ARID3A: variants seen among roughly 807,000 people sequenced by gnomAD.
The protein encoded by ARID3A is AT-rich interactive domain-containing protein 3A.
Under a neutral mutation model 52.7 loss-of-function variants are expected in ARID3A, and 11 were observed. That is an observed-to-expected ratio of 0.21 (90% CI 0.13 to 0.35). The LOEUF is 0.35. Ranked by LOEUF, ARID3A falls within the 10% of genes least tolerant of loss-of-function variation. The pLI is 1.00. For synonymous variants in ARID3A, 404 were observed against 359.4 expected, an observed-to-expected ratio of 1.12 and a Z score of -1.40; for missense variants, 721 against 838.5, an observed-to-expected ratio of 0.86 and a Z score of 1.73.
In ARID3A at chr19:935,851, C is replaced by T. The variant is rs147393037; in HGVS notation, c.693+3109C>T. On this transcript the variant is annotated intron_variant, in intron 3 of 8. Coordinates refer to ENST00000263620, the MANE Select transcript of ARID3A (RefSeq NM_005224.3). ...TGTCGCCCAGGCTGGAGTACAGTGG[C>T]GCGATCGCGGCTCACTGCAAGCTCT... 6.6e-3 allele frequency among the ~76,000 whole-genome samples: 997 copies of T among 152,194 alleles called. 10 individuals are homozygous for T. The highest frequency in any genetic ancestry group is 0.022 in the African/African-American group (894 of 41,518).
chr19:936,198 G>A (rs1353017961), intron 3 of ARID3A, among the ~76,000 whole-genome samples: 2 of 152,228 alleles, frequency 1.3e-5, no homozygotes, highest in South Asian at 4.1e-4. Flanking sequence ...AATTTGAGAT[G>A]AATCTTAAAA....
chr19:929,257 C>T lies in ARID3A; in HGVS notation c.-267-5C>T, dbSNP rs187048. The stretch of plus-strand genomic sequence containing the variant: ...TGCTCTGACTGTGCCTTTTTTCCCC[C>T]TCAGGTTTCTGCAAATGCGTGAATG... On this transcript the variant is annotated splice_region_variant and splice_polypyrimidine_tract_variant and intron_variant, in intron 1 of 8. Transcript: ENST00000263620. The surrounding 1 kb of genome is among the most constrained non-coding windows in gnomAD (Gnocchi z 6.2). 0.1 allele frequency: 24,899 copies of T among 245,478 alleles called. 2,068 individuals carry two copies. The highest frequency in any genetic ancestry group is 0.26 in the African/African-American group (11,241 of 43,488). The allele number at this position is 245,478 out of a possible 1,614,324, so 15.2% of individuals were successfully genotyped here. A position where few individuals can be genotyped will look rare whatever the true frequency, so the allele number is the denominator to read the frequency against.
chr19:971,082 G>A (rs113107373), intron 8 of ARID3A, among the ~76,000 whole-genome samples: 18,510 of 152,224 alleles, frequency 0.12, 1,280 homozygotes, highest in South Asian at 0.27. Flanking sequence ...TGCAAGAGCT[G>A]TGTGCACGCT....
intron 3 of ARID3A, among the ~76,000 whole-genome samples, chr19:945,642 G>A (rs1245184143): frequency 1.3e-5 from 2 of 152,162 alleles, no homozygotes; most frequent in East Asian, 1.9e-4. Flanking sequence ...CACCAGGGAG[G>A]GCCCTTCCTC....
In ARID3A at chr19:973,597, C is replaced by T. The variant is rs373497850; in HGVS notation, c.*1532C>T. 5 of 225,240 alleles carry T rather than the reference C, an allele frequency of 2.2e-5. No individual in the cohort carries two copies. The highest frequency in any genetic ancestry group is 1.9e-4 in the East Asian group (3 of 15,750). The allele number at this position is 225,240 out of a possible 1,614,324, so 14.0% of individuals were successfully genotyped here. On this transcript the variant is annotated 3_prime_UTR_variant, in exon 9 of 9. Coordinates refer to ENST00000263620, the MANE Select transcript of ARID3A (RefSeq NM_005224.3). ...CAATACTGGGGAGTGGGGGTGAAGC[C>T]GGACCTCACTCAGGGTGAGGATTTC...
Position 966,848 on chromosome 19 carries a change from G to A in ARID3A, c.1475G>A (p.Ser492Asn). 1.2e-6 allele frequency: 2 copies of A among 1,610,716 alleles called. No individual in the cohort carries two copies. Among genetic ancestry groups the A allele is most frequent in the East Asian group, 2.2e-5 (1 of 44,800 alleles). Residue 492 changes from serine to asparagine, a missense_variant, in exon 7 of 9, where the codon AGC (serine) becomes AAC (asparagine). Ser to Asn is a conservative substitution (Grantham distance 46). Coordinates refer to ENST00000263620, the MANE Select transcript of ARID3A (RefSeq NM_005224.3). ...GCCATGGCGGCCCAGCTGCCCATGA[G>A]CATTCGGATCAACAGCCAAGGTACT... Reference protein sequence around the residue: ...FLAMAAQLPMSIRINSQASES... With the variant: ...FLAMAAQLPMNIRINSQASES...
chr19:934,085 C>T (rs1328147964), intron 3 of ARID3A, among the ~76,000 whole-genome samples: 1 of 152,142 alleles, frequency 6.6e-6, no homozygotes, highest in East Asian at 1.9e-4. Flanking sequence ...ATTAATTTAA[C>T]ATTCACCCAA....
At chr19:927,607 C>T (rs558194919) in intron 1 of ARID3A, among the ~76,000 whole-genome samples, 1 of 143,310 alleles carries the variant, frequency 7.0e-6, no homozygotes, top group South Asian at 2.2e-4. Context: ...GGGGCCTTGT[C>T]TTGAAGTTGT....
rs1046566620 is a variant in ARID3A at position 964,997 on chromosome 19, C to T, written c.1115C>T (p.Ser372Leu). The change falls in exon 6 of 9, where the codon TCA (serine) becomes TTA (leucine). Residue 372 changes from serine to leucine, a missense_variant. Around this residue, in one of 5 missense-constraint regions of ARID3A, gnomAD observed 297 missense variants for 343.2 expected, o/e 0.87. Transcript: ENST00000263620. This position sits in a 1 kb window ranked among gnomAD's most constrained non-coding sequence, Gnocchi z 5.7. Reference sequence around the variant, plus strand: ...GGCGGGGCACACGGCATGCTCTCCTCACCCAAGCTACCCGTGTCCTCCCTG... The same window carrying T: ...GGCGGGGCACACGGCATGCTCTCCTTACCCAAGCTACCCGTGTCCTCCCTG... ...SPGGAHGMLS[S>L]PKLPVSSLGL... 1 of 1,613,840 alleles carries T rather than the reference C, an allele frequency of 6.2e-7. No individual in the cohort carries two copies. The highest frequency in any genetic ancestry group is 8.5e-7 in the Non-Finnish European group (1 of 1,180,012).
chr19:972,373 A>C lies in ARID3A; in HGVS notation c.*308A>C. On this transcript the variant is annotated 3_prime_UTR_variant, in exon 9 of 9. Coordinates refer to ENST00000263620, the MANE Select transcript of ARID3A (RefSeq NM_005224.3). ...GCAAAGAAATCCATCAGAAAAACAG[A>C]AAGAGGCAGACGTTTCCCAGGGCGT... The C allele has an allele frequency of 4.6e-6, 1 of 216,180 alleles. No homozygotes were observed. Among genetic ancestry groups the C allele is most frequent in the Non-Finnish European group, 9.3e-6 (1 of 107,088 alleles). 13.4% of individuals were successfully genotyped at this position (216,180 alleles called of 1,614,324 possible).
rs745547598 is a variant in ARID3A, at chr19:932,466, T to TGAG, written c.435_437dup (p.Glu145dup). The TGAG allele has an allele frequency of 3.2e-5, 50 of 1,569,812 alleles. No homozygotes were observed. The East Asian group carries it at 5.8e-4, about 18-fold the overall frequency. ...AGATGGAGGAAGACCTCGGGGAGGATGAGGAGGAGGAGGAGGAGGATTACG... is the reference window on the plus strand; with the variant it reads ...AGATGGAGGAAGACCTCGGGGAGGATGAGGAGGAGGAGGAGGAGGAGGATTACG... On this transcript the variant is annotated inframe_insertion, in exon 3 of 9. Coordinates refer to ENST00000263620, the MANE Select transcript of ARID3A (RefSeq NM_005224.3).
intron 3 of ARID3A, among the ~76,000 whole-genome samples, chr19:952,511 C>A (rs948120222): frequency 1.3e-5 from 2 of 151,264 alleles, no homozygotes; most frequent in Non-Finnish European, 2.9e-5. Flanking sequence ...TGCCAAGTCT[C>A]GGGCCAACCC....
At position 932,759 on chromosome 19, in the gene ARID3A, CGCGTGGCGGCTGAGGCACCT is replaced by C; in HGVS notation, c.693+20_693+39del. 1.3e-6 allele frequency: 2 copies of C among 1,546,328 alleles called. No homozygotes were observed. Among genetic ancestry groups the C allele is most frequent in the South Asian group, 2.4e-5 (2 of 83,926 alleles). On this transcript the variant is annotated intron_variant, in intron 3 of 8. Coordinates refer to ENST00000263620, the MANE Select transcript of ARID3A (RefSeq NM_005224.3). ...TTTAAGCAGGTGAGTGGGCGCGTCC[CGCGTGGCGGCTGAGGCACCT>C]GCTCCTGGGCCAGTGGGGCCCTTTG...
intron 2 of ARID3A, among the ~76,000 whole-genome samples, chr19:931,233 G>A (rs909445759): frequency 2.6e-5 from 4 of 152,092 alleles, no homozygotes; most frequent in Non-Finnish European, 1.5e-5. Flanking sequence ...GGTCAAGACT[G>A]CACTGAGCTG....
intron 6 of ARID3A, 55 bp from the exon 7 acceptor site, chr19:966,517 T>G: frequency 7.2e-7 from 1 of 1,392,140 alleles, no homozygotes; most frequent in Non-Finnish European, 9.7e-7. Flanking sequence ...CTGCCTTGAG[T>G]GGAAGGCAGG....
At position 964,699 on chromosome 19, in the gene ARID3A, C is replaced by G. The variant is rs2038110992; in HGVS notation, c.951-134C>G. ...GGGAATGGGCAAAGGCCCAGCAGCT[C>G]TGGGGGCTGCTGAGCAAGTCCAAGG... On this transcript the variant is annotated intron_variant, in intron 5 of 8. Coordinates refer to ENST00000263620, the MANE Select transcript of ARID3A (RefSeq NM_005224.3). This position sits in a 1 kb window ranked among gnomAD's most constrained non-coding sequence, Gnocchi z 5.7. 2 of 1,420,142 alleles carry G rather than the reference C, an allele frequency of 1.4e-6. No individual in the cohort carries two copies. The highest frequency in any genetic ancestry group is 1.9e-6 in the Non-Finnish European group (2 of 1,068,510). 88.0% of individuals were successfully genotyped at this position (1,420,142 alleles called of 1,614,324 possible). A position where few individuals can be genotyped will look rare whatever the true frequency, so the allele number is the denominator to read the frequency against.
Position 964,579 on chromosome 19 carries a change from C to T in ARID3A, c.950+148C>T, listed in dbSNP as rs1024047754. On this transcript the variant is annotated intron_variant, in intron 5 of 8. Transcript: ENST00000263620. The surrounding 1 kb of genome is among the most constrained non-coding windows in gnomAD (Gnocchi z 5.7). ...AAGGGCACAGGGCCACACCGTGCGT[C>T]CAGGGCCCGAGAGCGTCAAGTAGGG... The T allele has an allele frequency of 1.4e-5, 17 of 1,251,790 alleles. No homozygotes were observed. The highest frequency in any genetic ancestry group is 8.1e-5 in the Admixed American group (3 of 37,230). 77.5% of individuals were successfully genotyped at this position (1,251,790 alleles called of 1,614,324 possible).
chr19:946,946 T>C (rs1002710679), intron 3 of ARID3A, among the ~76,000 whole-genome samples: 3 of 151,118 alleles, frequency 2.0e-5, no homozygotes, highest in Admixed American at 2.0e-4. Context: ...GGTGCGCCAC[T>C]ATGCCTGGCT....
At chr19:933,094 G>A (rs972910619) in intron 3 of ARID3A, among the ~76,000 whole-genome samples, 2 of 152,150 alleles carry the variant, frequency 1.3e-5, no homozygotes, top group Admixed American at 6.5e-5. Flanking sequence ...CCAGGCCTGC[G>A]GGCGATGCGG....
Sources: gnomAD v4.1 joint callset for allele counts (sites outside exome capture counted in the v4.1 genomes callset) on GRCh38, gnomAD v4.1.1 for gene constraint, gnomAD v4.1.1 regional missense constraint, Gnocchi (gnomAD v3.1) non-coding constraint, MANE v1.5 for transcripts, NCBI Gene and HGNC (gene_info 2026-07-23, HGNC 2026-07-21) for gene names.